Variants in FAT3 observed in about 807,000 individuals in gnomAD.
FAT3 encodes the protein protocadherin Fat 3.
In FAT3, 95 loss-of-function variants were observed where a neutral mutation model predicts 310.2. That is an observed-to-expected ratio of 0.31 (90% confidence interval 0.26 to 0.36). The LOEUF (loss-of-function observed/expected upper bound fraction) is 0.36. Among genes scored for constraint, FAT3 ranks in the 10% least tolerant of loss-of-function variants. The probability of loss-of-function intolerance (pLI) is 1.00; values close to 1 mark genes in which losing one functional copy is unlikely to be tolerated. For synonymous variants in FAT3, 2,314 were observed against 2,192.9 expected (o/e 1.06, Z -1.54); for missense variants, 5,408 against 5,715.6 (o/e 0.95, Z 1.74).
intron 4 of FAT3, among the ~76,000 whole-genome samples, chr11:92,758,893 G>A (rs1946072508): frequency 6.6e-6 from 1 of 152,130 alleles, no homozygotes; most frequent in Non-Finnish European, 1.5e-5. Context: ...GAGTAGATAG[G>A]GGTGCCATTT....
At chr11:92,445,107 T>G (rs1426954750) in intron 2 of FAT3, among the ~76,000 whole-genome samples, 2 of 152,192 alleles carry the variant, frequency 1.3e-5, no homozygotes, top group Non-Finnish European at 2.9e-5. Flanking sequence ...TCTGCTGACC[T>G]GACACTGTGA....
At chr11:92,693,222 G>T in intron 3 of FAT3, among the ~76,000 whole-genome samples, 1 of 152,148 alleles carries the variant, frequency 6.6e-6, no homozygotes, top group East Asian at 1.9e-4. Context: ...TTGGAGGTTT[G>T]CATATGTAAT....
chr11:92,556,542 G>C (rs990134285), intron 3 of FAT3, among the ~76,000 whole-genome samples: 2 of 152,144 alleles, frequency 1.3e-5, no homozygotes, highest in African/African-American at 4.8e-5. Context: ...TTGAAAAGCT[G>C]TGGTGATTTG....
At chr11:92,584,910 C>T (rs1163842567) in intron 3 of FAT3, among the ~76,000 whole-genome samples, 12 of 151,844 alleles carry the variant, frequency 7.9e-5, no homozygotes, top group Admixed American at 7.9e-4. Flanking sequence ...TTGCCTTGAG[C>T]TGTGTTTTGA....
At chr11:92,658,716 T>C (rs560147656) in intron 3 of FAT3, among the ~76,000 whole-genome samples, 9 of 152,192 alleles carry the variant, frequency 5.9e-5, no homozygotes, top group Non-Finnish European at 1.2e-4. Context: ...TTTTCTCAAG[T>C]TCTTCTCTAA....
intron 2 of FAT3, among the ~76,000 whole-genome samples, chr11:92,440,612 TG>T (rs1207502181): frequency 6.6e-6 from 1 of 152,074 alleles, no homozygotes; most frequent in African/African-American, 2.4e-5. Flanking sequence ...ATTCAATGCA[TG>T]GTCAGTGGTG....
chr11:92,472,777 A>T (rs1046441406), intron 2 of FAT3, among the ~76,000 whole-genome samples: 1 of 152,088 alleles, frequency 6.6e-6, no homozygotes, highest in African/African-American at 2.4e-5. Flanking sequence ...CTTCCCCTTT[A>T]TCCAGCTTAT....
intron 6 of FAT3, among the ~76,000 whole-genome samples, chr11:92,771,658 CT>C (rs1246214181): frequency 6.6e-6 from 1 of 151,966 alleles, no homozygotes; most frequent in Non-Finnish European, 1.5e-5. Context: ...TCTGTCTCCC[CT>C]GTCCCTTTAG....
At position 92,822,030 on chromosome 11, in the gene FAT3, A is replaced by G. The variant is rs148916584; in HGVS notation, c.9482-9592A>G. Among the ~76,000 whole-genome samples, 953 of 152,086 alleles carry G rather than the reference A, an allele frequency of 6.3e-3. 8 individuals carry two copies. Among genetic ancestry groups the G allele is most frequent in the African/African-American group, 0.022 (912 of 41,498 alleles). On this transcript the variant is annotated intron_variant, in intron 13 of 27. Transcript: ENST00000525166. ...AGCTGGACATTTTTTTTTTCTCTGC[A>G]GTTGATTATAATGCCTTTCCCTATT...
chr11:92,869,793 A>T (rs1019841066), intron 22 of FAT3, among the ~76,000 whole-genome samples: 1 of 152,174 alleles, frequency 6.6e-6, no homozygotes, highest in Non-Finnish European at 1.5e-5. Context: ...GAACAATAAG[A>T]CTGAGTCTTT....
rs1183820540 is a variant in FAT3, at chr11:92,774,096, C to T, written c.4251C>T (p.Ile1417=). 8 of 1,613,682 alleles carry T rather than the reference C, an allele frequency of 5.0e-6. No individual in the cohort carries two copies. The highest frequency in any genetic ancestry group is 1.7e-4 in the Middle Eastern group (1 of 6,058). Residue 1417 remains isoleucine (I), a synonymous_variant, in exon 7 of 28, where the codon ATC becomes ATT. Coordinates refer to ENST00000525166, the MANE Select transcript of FAT3 (RefSeq NM_001367949.2). ...DAEKGVGTIV[I]AKPLDAEQRS... is the part of the protein sequence containing the mutation. Reference sequence around the variant, plus strand: ...AGAAGGGTGTTGGGACAATTGTCATCGCAAAACCTTTGGATGCAGAGCAGA... The same window carrying T: ...AGAAGGGTGTTGGGACAATTGTCATTGCAAAACCTTTGGATGCAGAGCAGA...
At position 92,524,826 on chromosome 11, in the gene FAT3, C is replaced by G; in HGVS notation, c.3485C>G (p.Pro1162Arg). ...TATCCTGTTGTCATGGAAAACTCTC[C>G]AAAGGACGTATCTGTCATTCAGATC... Reference protein sequence around the residue: ...IYYPVVMENSPKDVSVIQIQA... With the variant: ...IYYPVVMENSRKDVSVIQIQA... Residue 1162 changes from proline (P) to arginine (R), a missense_variant, in exon 3 of 28, where the codon CCA (proline) becomes CGA (arginine). By Grantham distance (103) the Pro-to-Arg change is moderately radical (BLOSUM62 -2). Transcript: ENST00000525166. 1 of 1,613,822 alleles carries G rather than the reference C, an allele frequency of 6.2e-7. No homozygotes were observed. Among genetic ancestry groups the G allele is most frequent in the Non-Finnish European group, 8.5e-7 (1 of 1,179,822 alleles).
intron 1 of FAT3, among the ~76,000 whole-genome samples, chr11:92,342,381 C>G (rs548525223): frequency 6.6e-6 from 1 of 152,288 alleles, no homozygotes; most frequent in South Asian, 2.1e-4. Flanking sequence ...AGGGAAGGTC[C>G]TCTATCTTCT....
chr11:92,761,773 C>A, intron 4 of FAT3, 83 bp from the exon 5 acceptor site: 1 of 1,234,758 alleles, frequency 8.1e-7, no homozygotes, highest in Non-Finnish European at 1.1e-6. Context: ...ATTGTCCGTG[C>A]ATTAGAAGAA....
At chr11:92,545,755 G>A (rs1259590594) in intron 3 of FAT3, among the ~76,000 whole-genome samples, 1 of 152,178 alleles carries the variant, frequency 6.6e-6, no homozygotes, top group South Asian at 2.1e-4. Flanking sequence ...GTCCTGGTTT[G>A]CTTGGGAATT....
chr11:92,876,282 A>C (rs1043402252), intron 22 of FAT3, among the ~76,000 whole-genome samples: 2 of 152,236 alleles, frequency 1.3e-5, no homozygotes, highest in African/African-American at 4.8e-5. Flanking sequence ...TGTTTGTCTA[A>C]AGACATGCCA....
At chr11:92,863,961 A>C (rs1949177223) in intron 21 of FAT3, among the ~76,000 whole-genome samples, 1 of 152,196 alleles carries the variant, frequency 6.6e-6, no homozygotes, top group Admixed American at 6.5e-5. Flanking sequence ...AATCCAAATG[A>C]TTTTTGTTTG....
chr11:92,450,834 A>T (rs1345113122), intron 2 of FAT3, among the ~76,000 whole-genome samples: 1 of 152,202 alleles, frequency 6.6e-6, no homozygotes, highest in Non-Finnish European at 1.5e-5. Context: ...ATTGTTTAGA[A>T]ACTAGGCTTT....
intron 2 of FAT3, among the ~76,000 whole-genome samples, chr11:92,397,026 G>A (rs1219689582): frequency 6.6e-6 from 1 of 151,940 alleles, no homozygotes; most frequent in Non-Finnish European, 1.5e-5. Context: ...TACTTTCATG[G>A]GCCACACACC....
Sources: allele counts gnomAD v4.1 joint callset (sites outside exome capture counted in the v4.1 genomes callset), GRCh38; gene constraint gnomAD v4.1.1; transcripts MANE v1.5; gene names NCBI Gene and HGNC (gene_info 2026-07-23, HGNC 2026-07-21).